FBXW7: variants seen among roughly 807,000 people sequenced by gnomAD.
FBXW7 encodes the protein F-box and WD repeat domain containing 7.
In FBXW7, 11 loss-of-function variants were observed where a neutral mutation model predicts 86.3. The ratio of observed to expected loss-of-function variants is 0.13; its 90% CI spans 0.08 to 0.21. The LOEUF is 0.21. FBXW7 is among the 10% of genes least tolerant of loss of function. The pLI is 1.00. For synonymous variants in FBXW7, 313 were observed against 297.9 expected (o/e 1.05, Z -0.52); for missense variants, 488 against 847.4 (o/e 0.58, Z 5.27).
intron 2 of FBXW7, among the ~76,000 whole-genome samples, chr4:152,457,221 G>A (rs953015048): frequency 3.3e-5 from 5 of 152,294 alleles, no homozygotes; most frequent in East Asian, 3.9e-4. Flanking sequence ...GGTTGCCTGC[G>A]AAGTGGGGAG....
At chr4:152,410,588 C>G (rs1056404664) in intron 4 of FBXW7, among the ~76,000 whole-genome samples, 1 of 152,082 alleles carries the variant, frequency 6.6e-6, no homozygotes, top group Non-Finnish European at 1.5e-5. Context: ...TATTATTAAT[C>G]CAAGTGTGTA....
intron 4 of FBXW7, among the ~76,000 whole-genome samples, chr4:152,360,122 G>A (rs1732791804): frequency 6.6e-6 from 1 of 152,180 alleles, no homozygotes; most frequent in African/African-American, 2.4e-5. Context: ...TAATACTAGA[G>A]TTAAAATGTT....
intron 7 of FBXW7, among the ~76,000 whole-genome samples, chr4:152,334,511 T>C (rs893516630): frequency 2.0e-5 from 3 of 152,222 alleles, no homozygotes; most frequent in African/African-American, 7.2e-5. Flanking sequence ...AAAATATTTA[T>C]CTAAAAACAG....
intron 12 of FBXW7, 149 bp downstream of exon 12, chr4:152,325,857 T>G: frequency 1.8e-6 from 1 of 565,354 alleles, no homozygotes; most frequent in Non-Finnish European, 3.1e-6. Flanking sequence ...ACTTTCTTCA[T>G]GCCAATTTTA....
intron 4 of FBXW7, among the ~76,000 whole-genome samples, chr4:152,356,251 A>G (rs902828226): frequency 6.6e-6 from 1 of 152,212 alleles, no homozygotes; most frequent in African/African-American, 2.4e-5. Flanking sequence ...AAAATGATAC[A>G]AAACAAATAA....
intron 4 of FBXW7, among the ~76,000 whole-genome samples, chr4:152,350,455 A>G (rs972306356): frequency 6.6e-5 from 10 of 151,872 alleles, no homozygotes; most frequent in African/African-American, 2.4e-4. Context: ...AAAAATCTCA[A>G]GTTAATCCAC....
intron 2 of FBXW7, among the ~76,000 whole-genome samples, chr4:152,441,396 A>T (rs943070789): frequency 1.3e-5 from 2 of 152,074 alleles, no homozygotes; most frequent in Non-Finnish European, 2.9e-5. Context: ...CAATTTCTTT[A>T]ATCTTAATCT....
intron 2 of FBXW7, among the ~76,000 whole-genome samples, chr4:152,463,726 C>T (rs917567254): frequency 6.6e-6 from 1 of 152,098 alleles, no homozygotes; most frequent in Non-Finnish European, 1.5e-5. Context: ...TAAAACAGGT[C>T]ACTAAGAAAA....
chr4:152,328,123 C>G, intron 11 of FBXW7, 85 bp downstream of exon 11: 1 of 1,058,854 alleles, frequency 9.4e-7, no homozygotes, highest in Non-Finnish European at 1.4e-6. Context: ...CACACTGTCA[C>G]TATTTCAGTA....
chr4:152,343,466 T>C (rs1393684653), intron 6 of FBXW7, among the ~76,000 whole-genome samples: 1 of 152,142 alleles, frequency 6.6e-6, no homozygotes, highest in Non-Finnish European at 1.5e-5. Context: ...GACAACTTTT[T>C]AATGTTATGT....
At chr4:152,530,184 T>G (rs1749898013) in intron 2 of FBXW7, 3 of 151,896 alleles carry the variant, frequency 2.0e-5, no homozygotes, top group Admixed American at 2.0e-4. Flanking sequence ...CACATTTAAA[T>G]GATTTAAGTG....
chr4:152,529,925 G>A (rs928489673), intron 2 of FBXW7, among the ~76,000 whole-genome samples: 11 of 151,540 alleles, frequency 7.3e-5, no homozygotes, highest in African/African-American at 2.4e-4. Flanking sequence ...GCATGGTGGC[G>A]CATGCCTGTG....
intron 4 of FBXW7, among the ~76,000 whole-genome samples, chr4:152,371,243 T>C (rs962359406): frequency 6.6e-6 from 1 of 151,996 alleles, no homozygotes; most frequent in Non-Finnish European, 1.5e-5. Flanking sequence ...CTAATTTATA[T>C]GTGAGATACA....
chr4:152,375,762 C>A (rs1156404099), intron 4 of FBXW7, among the ~76,000 whole-genome samples: 2 of 152,056 alleles, frequency 1.3e-5, no homozygotes, highest in East Asian at 3.9e-4. Context: ...ACATTAGAAA[C>A]CCCATGCTGT....
intron 2 of FBXW7, chr4:152,530,217 T>C (rs1035043335): frequency 6.6e-6 from 1 of 152,058 alleles, no homozygotes; most frequent in African/African-American, 2.4e-5. Context: ...ACACTAGTAC[T>C]TGAAATTAAC....
chr4:152,505,315 T>G (rs2149706224), intron 2 of FBXW7, among the ~76,000 whole-genome samples: 1 of 152,306 alleles, frequency 6.6e-6, no homozygotes, highest in East Asian at 1.9e-4. Context: ...TTATAAACAG[T>G]GTGCACTTAG....
intron 2 of FBXW7, among the ~76,000 whole-genome samples, chr4:152,470,126 T>C (rs1743816984): frequency 6.6e-6 from 1 of 152,096 alleles, no homozygotes; most frequent in Admixed American, 6.5e-5. Flanking sequence ...ATCCAAACCA[T>C]ATGCTAAAAC....
At position 152,535,577 on chromosome 4, in the gene FBXW7, G is replaced by C; in HGVS notation, c.-663C>G. On this transcript the variant is annotated 5_prime_UTR_variant, in exon 1 of 14. Transcript: ENST00000281708. ...ATGCTACGGCCCCGGGCGGGTGGCC[G>C]AGTCGGCGGCAAGGCGAGGGACCCG... 2.5e-6 allele frequency: 1 copy of C among 396,824 alleles called. No homozygotes were observed. Among genetic ancestry groups the C allele is most frequent in the Non-Finnish European group, 4.4e-6 (1 of 224,816 alleles). The allele number at this position is 396,824 out of a possible 1,614,324, so 24.6% of individuals were successfully genotyped here.
chr4:152,456,343 C>A (rs1560920147), intron 2 of FBXW7, among the ~76,000 whole-genome samples: 1 of 130,590 alleles, frequency 7.7e-6, no homozygotes. Flanking sequence ...CAGGCCCTAT[C>A]TCTTTAAAAA....
Sources: allele counts gnomAD v4.1 joint callset (sites outside exome capture counted in the v4.1 genomes callset), GRCh38; gene constraint gnomAD v4.1.1; transcripts MANE v1.5; gene names NCBI Gene and HGNC (gene_info 2026-07-23, HGNC 2026-07-21).